SCRG1: variants seen among roughly 807,000 people sequenced by gnomAD.
The protein encoded by SCRG1 is stimulator of chondrogenesis 1.
Under a neutral mutation model 7.7 loss-of-function variants are expected in SCRG1, and 3 were observed. The observed-to-expected ratio is 0.39, with a 90% CI of 0.18 to 1.01. The LOEUF (loss-of-function observed/expected upper bound fraction) is 1.01. Ranked by LOEUF, SCRG1 falls within the 50% of genes least tolerant of loss-of-function variation. The probability of loss-of-function intolerance (pLI) is 0.36; values close to 1 mark genes in which losing one functional copy is unlikely to be tolerated. For missense variants in SCRG1, 110 were observed against 117.2 expected (o/e 0.94, Z 0.28); for synonymous variants, 46 against 41.2 (o/e 1.12, Z -0.44).
At chr4:173,461,651 G>A in the SCRG1 span, among the ~76,000 whole-genome samples, 1 of 152,074 alleles carries the variant, frequency 6.6e-6, no homozygotes, top group Non-Finnish European at 1.5e-5. Flanking sequence ...TCAATGCCCA[G>A]ACACCAAAGA....
the SCRG1 span, among the ~76,000 whole-genome samples, chr4:173,451,322 G>C: frequency 1.3e-5 from 2 of 151,302 alleles, no homozygotes; most frequent in Non-Finnish European, 2.9e-5. Context: ...TGAACCAGGA[G>C]CACCTAAGAG....
the SCRG1 span, among the ~76,000 whole-genome samples, chr4:173,484,362 A>AATATATG: frequency 7.5e-5 from 4 of 53,382 alleles, no homozygotes; most frequent in African/African-American, 2.7e-4. Flanking sequence ...TATAATATAT[A>AATATATG]TTATATATTA....
the SCRG1 span, among the ~76,000 whole-genome samples, chr4:173,504,586 C>T: frequency 1.3e-5 from 2 of 152,226 alleles, no homozygotes; most frequent in Non-Finnish European, 2.9e-5. This position sits in a 1 kb window ranked among gnomAD's most constrained non-coding sequence, Gnocchi z 4.7. Flanking sequence ...ATGGTTGCTG[C>T]AAAATATCAA....
the SCRG1 span, among the ~76,000 whole-genome samples, chr4:173,462,210 G>T: frequency 2.2e-4 from 33 of 152,226 alleles, no homozygotes; most frequent in African/African-American, 7.5e-4. Flanking sequence ...CAAGGTTATA[G>T]AACACCAAGT....
the SCRG1 span, among the ~76,000 whole-genome samples, chr4:173,479,438 T>G: frequency 1.4e-5 from 2 of 144,250 alleles, no homozygotes; most frequent in Non-Finnish European, 3.1e-5. Context: ...TTTGTTTGTT[T>G]TTTTGTTTTT....
chr4:173,460,616 T>C, the SCRG1 span, among the ~76,000 whole-genome samples: 2 of 152,166 alleles, frequency 1.3e-5, no homozygotes, highest in African/African-American at 4.8e-5. Flanking sequence ...CTGGCAACAT[T>C]TATCACCTGC....
chr4:173,517,251 A>T, the SCRG1 span, among the ~76,000 whole-genome samples: 2 of 152,192 alleles, frequency 1.3e-5, no homozygotes, highest in African/African-American at 4.8e-5. Flanking sequence ...CCCTGCGGTC[A>T]TCGGAGGGGG....
intron 1 of SCRG1, among the ~76,000 whole-genome samples, chr4:173,394,695 T>G (rs1739550183): frequency 6.6e-6 from 1 of 152,182 alleles, no homozygotes; most frequent in African/African-American, 2.4e-5. Context: ...ACAACTTAAC[T>G]TCAATCACAT....
the SCRG1 span, among the ~76,000 whole-genome samples, chr4:173,440,879 G>A: frequency 6.6e-6 from 1 of 152,068 alleles, no homozygotes; most frequent in South Asian, 2.1e-4. Context: ...ATCTTCATAT[G>A]GCTTTCTCTT....
chr4:173,445,880 G>A, the SCRG1 span, among the ~76,000 whole-genome samples: 1 of 151,796 alleles, frequency 6.6e-6, no homozygotes, highest in Non-Finnish European at 1.5e-5. Flanking sequence ...TGGCCAGGCT[G>A]GTCTCGAACT....
the SCRG1 span, among the ~76,000 whole-genome samples, chr4:173,483,822 A>ATATTAC: frequency 1.7e-3 from 29 of 16,816 alleles, 3 homozygotes; most frequent in African/African-American, 3.3e-3. Context: ...TAATATATAT[A>ATATTAC]ATATATATAA....
the SCRG1 span, among the ~76,000 whole-genome samples, chr4:173,483,377 T>TTATATATTATATATTGTATCATGA: frequency 1.2e-4 from 2 of 16,150 alleles, no homozygotes; most frequent in African/African-American, 3.9e-4. Flanking sequence ...TAATATTATA[T>TTATATATTATATATTGTATCATGA]TATATATTAT....
the SCRG1 span, among the ~76,000 whole-genome samples, chr4:173,422,899 A>G: frequency 2.7e-4 from 41 of 152,194 alleles, no homozygotes; most frequent in African/African-American, 9.6e-4. Flanking sequence ...AAAGGAAAAA[A>G]TTGTCTATCA....
the SCRG1 span, among the ~76,000 whole-genome samples, chr4:173,458,937 A>T: frequency 3.3e-5 from 5 of 152,236 alleles, no homozygotes; most frequent in Admixed American, 3.3e-4. Flanking sequence ...ACAGACAGAA[A>T]CAAAAAATAA....
Position 173,385,078 on chromosome 4 carries a change from T to C in SCRG1, c.*3263A>G, listed in dbSNP as rs917567865. ...TTAATATCTTTAAACCTTAGCTTTT[T>C]TGTCCATAGAACAAGGATAATATCA... is the stretch of plus-strand genomic sequence containing the variant. On this transcript the variant is annotated 3_prime_UTR_variant, in exon 3 of 3. Coordinates refer to ENST00000296506, the MANE Select transcript of SCRG1 (RefSeq NM_007281.4). The C allele has an allele frequency of 3.3e-5, 5 of 152,224 alleles. No homozygotes were observed. The highest frequency in any genetic ancestry group is 7.3e-5 in the Non-Finnish European group (5 of 68,034). The allele number at this position is 152,224 out of a possible 1,614,324, so 9.4% of individuals were successfully genotyped here.
the SCRG1 span, among the ~76,000 whole-genome samples, chr4:173,515,519 G>C: frequency 3.3e-5 from 5 of 152,144 alleles, no homozygotes; most frequent in African/African-American, 1.2e-4. The surrounding 1 kb of genome is among the most constrained non-coding windows in gnomAD (Gnocchi z 4.6). Flanking sequence ...TTTCCCTAAA[G>C]GATATACTTT....
chr4:173,406,103 C>T (rs564851269), intron 1 of SCRG1, among the ~76,000 whole-genome samples: 2 of 152,230 alleles, frequency 1.3e-5, no homozygotes, highest in Admixed American at 1.3e-4. Context: ...GCCTCCAACT[C>T]TAATCCATTA....
At chr4:173,517,626 TG>T in the SCRG1 span, among the ~76,000 whole-genome samples, 9 of 152,332 alleles carry the variant, frequency 5.9e-5, no homozygotes, top group East Asian at 1.2e-3. Context: ...GGATTGTTTC[TG>T]GTATAAAATA....
chr4:173,491,276 T>G, the SCRG1 span, among the ~76,000 whole-genome samples: 2 of 149,384 alleles, frequency 1.3e-5, no homozygotes, highest in African/African-American at 4.9e-5. Flanking sequence ...TGTGCCCCAC[T>G]GCATGCACAT....
Sources: allele counts gnomAD v4.1 joint callset (sites outside exome capture counted in the v4.1 genomes callset), GRCh38; gene constraint gnomAD v4.1.1; non-coding constraint Gnocchi (gnomAD v3.1); transcripts MANE v1.5; gene names NCBI Gene and HGNC (gene_info 2026-07-23, HGNC 2026-07-21).